Variants in MIDEAS observed in about 807,000 individuals in gnomAD.
The protein encoded by MIDEAS is mitotic deacetylase-associated SANT domain protein.
A neutral mutation model predicts 102.7 loss-of-function variants in MIDEAS; 26 were observed. That is an observed-to-expected ratio of 0.25 (90% CI 0.19 to 0.35). The LOEUF is 0.35. MIDEAS is among the 10% of genes least tolerant of loss of function. MIDEAS has a pLI of 1.00. For missense variants in MIDEAS, 1,231 were observed against 1,435.6 expected, an observed-to-expected ratio of 0.86 and a Z score of 2.30; for synonymous variants, 585 against 591.0, an observed-to-expected ratio of 0.99 and a Z score of 0.15.
chr14:73,723,478 G>C (rs1226952633), intron 9 of MIDEAS: 1 of 152,246 alleles, frequency 6.6e-6, no homozygotes, highest in African/African-American at 2.4e-5. Flanking sequence ...GTTAAATTTC[G>C]TGGGCGTGCT....
At position 73,738,770 on chromosome 14, in the gene MIDEAS, C is replaced by A; in HGVS notation, c.1239G>T (p.Gly413=). The A allele has an allele frequency of 6.3e-7, 1 of 1,594,168 alleles. No individual in the cohort carries two copies. ...CCCGGCCATTGGGTGCTAGTCTCTC[C>A]CCATCAGGCAGTAGCTGCGACTCCC... ...ELRESQLLPD[G]ERLAPNGRER... is the part of the protein sequence containing the mutation. The change falls in exon 2 of 13, where the codon GGG becomes GGT. Residue 413 remains glycine, a synonymous_variant. Coordinates refer to ENST00000423556, the MANE Select transcript of MIDEAS (RefSeq NM_001367710.1).
chr14:73,739,948 G>T lies in MIDEAS; in HGVS notation c.61C>A (p.Gln21Lys). The T allele has an allele frequency of 6.6e-7, 1 of 1,516,188 alleles. No homozygotes were observed. The allele number at this position is 1,516,188 out of a possible 1,614,324, so 93.9% of individuals were successfully genotyped here. A position where few individuals can be genotyped will look rare whatever the true frequency, so the allele number is the denominator to read the frequency against. ...NKRKRCLFGG[Q>K]EPAPKEQPPP... The stretch of plus-strand genomic sequence containing the variant: ...GGCTGCTCCTTGGGAGCTGGTTCCT[G>T]GCCCCCGAAGAGGCAACGCTTCCGC... The change falls in exon 2 of 13, where the codon CAG (glutamine) becomes AAG (lysine). Residue 21 changes from glutamine (Q) to lysine (K), a missense_variant. Gln to Lys is a moderately conservative substitution (Grantham distance 53). Transcript: ENST00000423556.
exon 1 of MIDEAS, chr14:73,787,236 T>C (rs2053823071): frequency 6.7e-6 from 1 of 148,754 alleles, no homozygotes; most frequent in Non-Finnish European, 1.5e-5. Flanking sequence ...GCCCGGGCTG[T>C]GCGGCCCGGG....
chr14:73,767,660 T>C (rs1258401112), intron 1 of MIDEAS, among the ~76,000 whole-genome samples: 2 of 152,040 alleles, frequency 1.3e-5, no homozygotes, highest in Non-Finnish European at 2.9e-5. Flanking sequence ...AAAAAGGCTC[T>C]CATAAAATAA....
intron 12 of MIDEAS, 109 bp from the exon 13 acceptor site, chr14:73,719,117 G>C: frequency 6.9e-7 from 1 of 1,459,356 alleles, no homozygotes; most frequent in South Asian, 1.4e-5. Context: ...CTGCACAGCC[G>C]CGGCCGGCCA....
chr14:73,759,862 A>C lies in MIDEAS; in HGVS notation c.-347T>G, dbSNP rs2053537056. ...TCCGGGACTCCAGCCGCCTGCACGC[A>C]CTCCCGATTTTAAAAACAAACAGGC... is the stretch of plus-strand genomic sequence containing the variant. On this transcript the variant is annotated 5_prime_UTR_variant, in exon 1 of 13. Transcript: ENST00000423556. The surrounding 1 kb of genome is among the most constrained non-coding windows in gnomAD (Gnocchi z 6.7). 6.6e-6 allele frequency: 1 copy of C among 151,594 alleles called. No individual in the cohort carries two copies. Among genetic ancestry groups the C allele is most frequent in the African/African-American group, 2.4e-5 (1 of 41,244 alleles). 9.4% of individuals were successfully genotyped at this position (151,594 alleles called of 1,614,324 possible). A position where few individuals can be genotyped will look rare whatever the true frequency, so the allele number is the denominator to read the frequency against.
chr14:73,756,295 T>TGTGTGTGTGCGCGC (rs55692592), intron 1 of MIDEAS, among the ~76,000 whole-genome samples: 42 of 127,716 alleles, frequency 3.3e-4, no homozygotes, highest in African/African-American at 5.9e-4. Context: ...TGTGTGTGTG[T>TGTGTGTGTGCGCGC]GCGCGCGCGC....
chr14:73,760,271 G>T lies in MIDEAS; in HGVS notation c.-756C>A, dbSNP rs894866718. The T allele has an allele frequency of 6.6e-6, 1 of 152,368 alleles. No homozygotes were observed. The highest frequency in any genetic ancestry group is 6.5e-5 in the Admixed American group (1 of 15,286). The allele number at this position is 152,368 out of a possible 1,614,324, so 9.4% of individuals were successfully genotyped here. On this transcript the variant is annotated 5_prime_UTR_variant, in exon 1 of 13. Coordinates refer to ENST00000423556, the MANE Select transcript of MIDEAS (RefSeq NM_001367710.1). This position sits in a 1 kb window ranked among gnomAD's most constrained non-coding sequence, Gnocchi z 4.8. ...CGGCCGGCGCGCGCGGCACCGCGGC[G>T]AGCAGGAACCAGCTCTACCACTTCA...
rs985618497 is a variant in MIDEAS, at chr14:73,715,614, A to G, written c.*3229T>C. 2.6e-5 allele frequency: 4 copies of G among 152,476 alleles called. No individual in the cohort carries two copies. Among genetic ancestry groups the G allele is most frequent in the Non-Finnish European group, 5.9e-5 (4 of 68,038 alleles). 9.4% of individuals were successfully genotyped at this position (152,476 alleles called of 1,614,324 possible). ...GGGAGGACACAATTGTTTTATAAAA[A>G]TATCCCTACTTCCTGTAAACCTATG... On this transcript the variant is annotated 3_prime_UTR_variant, in exon 13 of 13. Transcript: ENST00000423556.
rs2053113338 is a variant in MIDEAS at position 73,729,797 on chromosome 14, C to T, written c.1938G>A (p.Glu646=). ...TGTAGGGAGGTAGCTCAAAGCTCCG[C>T]TCAGAGGGGTGGTCAGCTAGGCGCA... ...SPVRLADHPS[E]RSFELPPYTP... Residue 646 remains glutamate, a synonymous_variant, in exon 4 of 13, where the codon GAG becomes GAA. Transcript: ENST00000423556. 1.9e-6 allele frequency: 3 copies of T among 1,612,998 alleles called. No homozygotes were observed. Among genetic ancestry groups the T allele is most frequent in the East Asian group, 2.2e-5 (1 of 44,794 alleles).
chr14:73,739,848 C>T lies in MIDEAS; in HGVS notation c.161G>A (p.Gly54Glu). ...EQYLGHEGPG[G>E]AVSTSQPVEL... ...CACAGGCTGAGAGGTGGAGACTGCC[C>T]CTCCTGGACCCTCGTGCCCGAGGTA... is the stretch of plus-strand genomic sequence containing the variant. The change falls in exon 2 of 13, where the codon GGG (glycine) becomes GAG (glutamate). Residue 54 changes from glycine (G) to glutamate (E), a missense_variant. Gly to Glu is a moderately conservative substitution (Grantham distance 98, BLOSUM62 -2). Transcript: ENST00000423556. 3 of 1,598,786 alleles carry T rather than the reference C, an allele frequency of 1.9e-6. No homozygotes were observed. Among genetic ancestry groups the T allele is most frequent in the South Asian group, 1.1e-5 (1 of 89,802 alleles).
intron 7 of MIDEAS, 33 bp downstream of exon 7, chr14:73,726,571 G>C: frequency 6.2e-7 from 1 of 1,603,888 alleles, no homozygotes; most frequent in Non-Finnish European, 8.5e-7. Flanking sequence ...CCCCCACTGA[G>C]GGGCCCTCCC....
At chr14:73,740,756 C>T (rs1281779923) in intron 1 of MIDEAS, among the ~76,000 whole-genome samples, 1 of 152,238 alleles carries the variant, frequency 6.6e-6, no homozygotes, top group East Asian at 1.9e-4. Context: ...GGATCTTTGT[C>T]CAGCCAGTGC....
intron 1 of MIDEAS, among the ~76,000 whole-genome samples, chr14:73,758,187 A>C (rs1249655574): frequency 2.0e-5 from 3 of 152,204 alleles, no homozygotes; most frequent in Non-Finnish European, 4.4e-5. Flanking sequence ...TTACGCTCCT[A>C]TTATTCACTG....
chr14:73,721,502 T>G lies in MIDEAS; in HGVS notation c.2732A>C (p.Gln911Pro). The stretch of plus-strand genomic sequence containing the variant: ...GGGAAGAGGCACCCTTGGGAACTTT[T>G]GGGAAGTCTATGGGGAACAAGAACA... ...EEVEVDIKTS[Q>P]KFPRVPLPRR... Residue 911 changes from glutamine to proline, a missense_variant, in exon 11 of 13, where the codon CAA becomes CCA. Transcript: ENST00000423556. The G allele has an allele frequency of 1.2e-6, 2 of 1,613,994 alleles. No homozygotes were observed. Among genetic ancestry groups the G allele is most frequent in the Non-Finnish European group, 1.7e-6 (2 of 1,179,946 alleles).
rs1197659233 is a variant in MIDEAS at position 73,717,491 on chromosome 14, T to C, written c.*1352A>G. ...GAAGGGGCAGCAAGAACTGCCTTAA[T>C]CTCCCTTGCTCTGTGTGGGTCTGGT... On this transcript the variant is annotated 3_prime_UTR_variant, in exon 13 of 13. Transcript: ENST00000423556. The C allele has an allele frequency of 6.6e-6, 1 of 152,386 alleles. No individual in the cohort carries two copies. The highest frequency in any genetic ancestry group is 1.5e-5 in the Non-Finnish European group (1 of 68,034). 9.4% of individuals were successfully genotyped at this position (152,386 alleles called of 1,614,324 possible). A position where few individuals can be genotyped will look rare whatever the true frequency, so the allele number is the denominator to read the frequency against.
chr14:73,766,645 G>T (rs1259937287), intron 1 of MIDEAS, among the ~76,000 whole-genome samples: 2 of 151,648 alleles, frequency 1.3e-5, no homozygotes, highest in Non-Finnish European at 2.9e-5. Context: ...CACCTCCCAG[G>T]TTCATGCCAT....
chr14:73,761,747 A>G (rs1393347023), upstream of MIDEAS, among the ~76,000 whole-genome samples: 1 of 152,128 alleles, frequency 6.6e-6, no homozygotes, highest in African/African-American at 2.4e-5. Flanking sequence ...CTCTCAGAGC[A>G]CTTCTCCATA....
intron 1 of MIDEAS, among the ~76,000 whole-genome samples, chr14:73,772,480 A>T (rs2053650332): frequency 6.6e-6 from 1 of 152,226 alleles, no homozygotes; most frequent in African/African-American, 2.4e-5. Flanking sequence ...CCCAAGAAAC[A>T]ACATTATCTT....
Sources: allele counts gnomAD v4.1 joint callset (sites outside exome capture counted in the v4.1 genomes callset), GRCh38; gene constraint gnomAD v4.1.1; non-coding constraint Gnocchi (gnomAD v3.1); transcripts MANE v1.5; gene names NCBI Gene and HGNC (gene_info 2026-07-23, HGNC 2026-07-21).